Variants in NRIP1 observed in about 807,000 individuals in gnomAD.
The protein encoded by NRIP1 is nuclear receptor-interacting protein 1.
NRIP1 carries 28 observed loss-of-function variants against 75.0 expected under a neutral mutation model. The ratio of observed to expected loss-of-function variants is 0.37; its 90% CI spans 0.28 to 0.51. The LOEUF (loss-of-function observed/expected upper bound fraction) is 0.51. Among genes scored for constraint, NRIP1 ranks in the 20% least tolerant of loss-of-function variants. The probability of loss-of-function intolerance (pLI) is 0.92; values close to 1 mark genes in which losing one functional copy is unlikely to be tolerated. For synonymous variants in NRIP1, 526 were observed against 487.6 expected, an observed-to-expected ratio of 1.08 and a Z score of -1.04; for missense variants, 1,435 against 1,343.7, an observed-to-expected ratio of 1.07 and a Z score of -1.06.
Position 14,966,266 on chromosome 21 carries a change from T to C in NRIP1, c.1927A>G (p.Met643Val). ...CTGGGTCTCTGCTCTTCCACTGACA[T>C]GGATGACTGCATTCCACATTGTGCT... ...NLAQCGMQSS[M>V]SVEEQRPSKQ... Residue 643 changes from methionine to valine, a missense_variant, in exon 4 of 4, where the codon ATG (methionine) becomes GTG (valine). Coordinates refer to ENST00000318948, the MANE Select transcript of NRIP1 (RefSeq NM_003489.4). 6.2e-7 allele frequency: 1 copy of C among 1,614,112 alleles called. No individual in the cohort carries two copies. The highest frequency in any genetic ancestry group is 8.5e-7 in the Non-Finnish European group (1 of 1,179,970).
chr21:15,026,511 T>A (rs2088525018), intron 2 of NRIP1, among the ~76,000 whole-genome samples: 1 of 152,188 alleles, frequency 6.6e-6, no homozygotes, highest in African/African-American at 2.4e-5. Flanking sequence ...TCTTTACATA[T>A]CTACTCTTGG....
Position 14,966,943 on chromosome 21 carries a change from T to C in NRIP1, c.1250A>G (p.Tyr417Cys). 6.2e-7 allele frequency: 1 copy of C among 1,614,204 alleles called. No homozygotes were observed. The highest frequency in any genetic ancestry group is 8.5e-7 in the Non-Finnish European group (1 of 1,180,024). ...ESSTPTTIDE[Y>C]SDNNPSFTDD... ...TGTAAAACTAGGATTGTTATCTGAA[T>C]ATTCATCAATAGTTGTAGGTGTACT... Residue 417 changes from tyrosine (Y) to cysteine (C), a missense_variant, in exon 4 of 4, where the codon TAT (tyrosine) becomes TGT (cysteine). Coordinates refer to ENST00000318948, the MANE Select transcript of NRIP1 (RefSeq NM_003489.4).
chr21:14,969,864 A>C (rs1188419654), intron 3 of NRIP1, among the ~76,000 whole-genome samples: 1 of 152,220 alleles, frequency 6.6e-6, no homozygotes, highest in Non-Finnish European at 1.5e-5. Context: ...AGCAACAATT[A>C]ATTTCAACTG....
In NRIP1 at chr21:14,966,515, T is replaced by C. The variant is rs774236543; in HGVS notation, c.1678A>G (p.Ser560Gly). The change falls in exon 4 of 4, where the codon AGC becomes GGC. Residue 560 changes from serine (S) to glycine (G), a missense_variant. By Grantham distance (56) the Ser-to-Gly change is moderately conservative. Transcript: ENST00000318948. Reference sequence around the variant, plus strand: ...AGATTGATGGGAGACCCTGCTTTGCTTGATGTAAGTAAAGGTGGAGTGCTC... The same window carrying C: ...AGATTGATGGGAGACCCTGCTTTGCCTGATGTAAGTAAAGGTGGAGTGCTC... The part of the protein sequence containing the change: ...PVSTPPLLTS[S>G]KAGSPINLSQ... The C allele has an allele frequency of 2.0e-5, 33 of 1,614,000 alleles. No homozygotes were observed. The highest frequency in any genetic ancestry group is 2.7e-5 in the Non-Finnish European group (32 of 1,180,004).
Position 14,966,776 on chromosome 21 carries a change from G to C in NRIP1, c.1417C>G (p.Pro473Ala), listed in dbSNP as rs1568939702. ...TTGATATCTACATCTGGGACTTTTG[G>C]ATCCCAAGTGTTTAGCAAGGATTGA... ...FTQSLLNTWD[P>A]KVPDVDIKED... is the part of the protein sequence containing the mutation. The change falls in exon 4 of 4, where the codon CCA becomes GCA. Residue 473 changes from proline (P) to alanine (A), a missense_variant. Physicochemically the swap from Pro to Ala is conservative, Grantham distance 27. Transcript: ENST00000318948. The C allele has an allele frequency of 6.2e-7, 1 of 1,614,022 alleles. No individual in the cohort carries two copies. Among genetic ancestry groups the C allele is most frequent in the Non-Finnish European group, 8.5e-7 (1 of 1,179,992 alleles).
intron 3 of NRIP1, among the ~76,000 whole-genome samples, chr21:14,988,643 G>C (rs2087479678): frequency 6.6e-6 from 1 of 151,984 alleles, no homozygotes; most frequent in African/African-American, 2.4e-5. Context: ...AAAGCAAAAA[G>C]TAATTTCATA....
chr21:14,991,943 GTTCCT>G (rs550502523), intron 3 of NRIP1, among the ~76,000 whole-genome samples: 191 of 152,200 alleles, frequency 1.3e-3, no homozygotes, highest in African/African-American at 4.5e-3. Context: ...AAAAAGCTGC[GTTCCT>G]TTCATCTTTT....
At chr21:15,051,086 G>C (rs139716192) in intron 1 of NRIP1, 242 of 365,060 alleles carry the variant, frequency 6.6e-4, no homozygotes, top group African/African-American at 5.0e-3. Context: ...AACGGCTGCA[G>C]CCCGGTCTCT....
At chr21:15,004,945 C>T (rs999663016) in intron 3 of NRIP1, among the ~76,000 whole-genome samples, 2 of 152,172 alleles carry the variant, frequency 1.3e-5, no homozygotes, top group African/African-American at 2.4e-5. Flanking sequence ...AAGTGTGTAA[C>T]TCCTAGTTCC....
At chr21:15,039,143 T>C (rs979258667) in intron 2 of NRIP1, among the ~76,000 whole-genome samples, 2 of 152,124 alleles carry the variant, frequency 1.3e-5, no homozygotes, top group Non-Finnish European at 2.9e-5. Flanking sequence ...TTTAGTTTTA[T>C]ACCAAGTGAG....
chr21:15,047,956 G>C (rs1406795241), intron 1 of NRIP1, among the ~76,000 whole-genome samples: 1 of 152,058 alleles, frequency 6.6e-6, no homozygotes, highest in Non-Finnish European at 1.5e-5. Context: ...TAAATACTTA[G>C]CCATTATAGG....
rs146586493 is a variant in NRIP1, at chr21:15,026,542, C to G, written c.-457-12076G>C. On this transcript the variant is annotated intron_variant, in intron 2 of 3. Coordinates refer to ENST00000318948, the MANE Select transcript of NRIP1 (RefSeq NM_003489.4). The stretch of plus-strand genomic sequence containing the variant: ...CTTGGGTATATACCCTAGAGTCTTG[C>G]ACATCTTCTTCAGAACACATATAAA... 1.7e-4 allele frequency among the ~76,000 whole-genome samples: 26 copies of G among 152,194 alleles called. No individual in the cohort carries two copies. In the East Asian group the frequency reaches 5.0e-3, roughly 29 times the overall value.
chr21:15,015,356 G>T (rs2088200900), intron 2 of NRIP1, among the ~76,000 whole-genome samples: 1 of 152,136 alleles, frequency 6.6e-6, no homozygotes, highest in Non-Finnish European at 1.5e-5. Flanking sequence ...AAACTTGTCA[G>T]ATTGTTCCTT....
chr21:15,049,260 C>A (rs896794800), intron 1 of NRIP1, among the ~76,000 whole-genome samples: 4 of 152,020 alleles, frequency 2.6e-5, no homozygotes, highest in African/African-American at 9.7e-5. Context: ...TTTTTTATAA[C>A]CTAAACACGA....
At chr21:15,053,559 T>C (rs894588593) in intron 1 of NRIP1, among the ~76,000 whole-genome samples, 6 of 152,218 alleles carry the variant, frequency 3.9e-5, no homozygotes, top group African/African-American at 1.4e-4. Flanking sequence ...AACTAATTTA[T>C]AGAAATTCAC....
At position 14,961,995 on chromosome 21, in the gene NRIP1, AATATATATATATATACATATTATAT is replaced by A. The variant is rs1324316563; in HGVS notation, c.*2696_*2720del. The A allele has an allele frequency of 2.4e-5, 3 of 122,928 alleles. No homozygotes were observed. Among genetic ancestry groups the A allele is most frequent in the Admixed American group, 1.0e-4 (1 of 10,040 alleles). 7.6% of individuals were successfully genotyped at this position (122,928 alleles called of 1,614,324 possible). A position where few individuals can be genotyped will look rare whatever the true frequency, so the allele number is the denominator to read the frequency against. ...TTTTAACATCTTCATGTAACAAGTCAATATATATATATATACATATTATATATATATATATATATATATATATAAA... is the reference window on the plus strand; with the variant it reads ...TTTTAACATCTTCATGTAACAAGTCAATATATATATATATATATATATAAA... On this transcript the variant is annotated 3_prime_UTR_variant, in exon 4 of 4. Transcript: ENST00000318948.
rs1158956035 is a variant in NRIP1 at position 14,965,334 on chromosome 21, T to TGG, written c.2858_2859insCC (p.Arg953SerfsTer18). The TGG allele has an allele frequency of 1.2e-6, 2 of 1,614,098 alleles. No homozygotes were observed. Among genetic ancestry groups the TGG allele is most frequent in the Non-Finnish European group, 1.7e-6 (2 of 1,179,974 alleles). On this transcript the variant is annotated frameshift_variant, in exon 4 of 4. Transcript: ENST00000318948. LOFTEE classifies it high-confidence loss of function. Reference sequence around the variant, plus strand: ...TTTTACTGTCAGCCACAGAGTTACTTCTGTGCGGGGACAAATCTCGCACAC... The same window carrying TGG: ...TTTTACTGTCAGCCACAGAGTTACTTGGCTGTGCGGGGACAAATCTCGCACAC...
chr21:15,008,394 AC>A (rs1284412068), intron 3 of NRIP1, among the ~76,000 whole-genome samples: 1 of 152,174 alleles, frequency 6.6e-6, no homozygotes, highest in Non-Finnish European at 1.5e-5. Flanking sequence ...TGGGCGAATC[AC>A]CGTAGAAGAA....
At chr21:15,041,436 G>C (rs764491174) in intron 2 of NRIP1, among the ~76,000 whole-genome samples, 15 of 152,018 alleles carry the variant, frequency 9.9e-5, no homozygotes, top group Non-Finnish European at 1.5e-4. Flanking sequence ...TAGCAAATAA[G>C]GGTGTCTATT....
Sources: gnomAD v4.1 joint callset for allele counts (sites outside exome capture counted in the v4.1 genomes callset) on GRCh38, gnomAD v4.1.1 for gene constraint, MANE v1.5 for transcripts, NCBI Gene and HGNC (gene_info 2026-07-23, HGNC 2026-07-21) for gene names.